FAM135A: variants seen among roughly 807,000 people sequenced by gnomAD.
FAM135A encodes the protein protein FAM135A.
Under a neutral mutation model 146.8 loss-of-function variants are expected in FAM135A, and 79 were observed. The observed-to-expected ratio is 0.54, with a 90% CI of 0.45 to 0.65. FAM135A has a LOEUF of 0.65. Among genes scored for constraint, FAM135A ranks in the 30% least tolerant of loss-of-function variants. The pLI, the probability that FAM135A is intolerant of heterozygous loss-of-function variation, is 0.00. For missense variants in FAM135A, 1,623 were observed against 1,758.2 expected, an observed-to-expected ratio of 0.92 and a Z score of 1.38; for synonymous variants, 562 against 603.6, an observed-to-expected ratio of 0.93 and a Z score of 1.01.
At chr6:70,522,136 C>T (rs192577631) in intron 12 of FAM135A, among the ~76,000 whole-genome samples, 5 of 152,112 alleles carry the variant, frequency 3.3e-5, no homozygotes, top group Admixed American at 2.6e-4. Flanking sequence ...AGGCTGGTCT[C>T]GAACTCTTGA....
At chr6:70,550,839 G>T (rs937775361) in intron 20 of FAM135A, among the ~76,000 whole-genome samples, 10 of 152,172 alleles carry the variant, frequency 6.6e-5, no homozygotes, top group African/African-American at 2.4e-4. Context: ...TTGAAAATCT[G>T]CTTTTTAGTG....
Position 70,482,026 on chromosome 6 carries a change from C to A in FAM135A, c.695C>A (p.Ser232Tyr). The A allele has an allele frequency of 6.2e-7, 1 of 1,613,504 alleles. No individual in the cohort carries two copies. The highest frequency in any genetic ancestry group is 8.5e-7 in the Non-Finnish European group (1 of 1,179,706). Residue 232 changes from serine (S) to tyrosine (Y), a missense_variant, in exon 10 of 22, where the codon TCC becomes TAC. Physicochemically the swap from Ser to Tyr is moderately radical, Grantham distance 144. Transcript: ENST00000418814. Reference protein sequence around the residue: ...PDGCSFIIADSFLHHAYRFHY... With the variant: ...PDGCSFIIADYFLHHAYRFHY... ...GGTTGTAGCTTCATCATTGCAGACT[C>A]CTTCCTACATCATGCGTATCGTTTT...
intron 20 of FAM135A, among the ~76,000 whole-genome samples, chr6:70,539,553 A>G (rs1797453542): frequency 6.6e-6 from 1 of 152,200 alleles, no homozygotes; most frequent in Non-Finnish European, 1.5e-5. Context: ...AGTAAGGAAA[A>G]TAGCCCTCTT....
Position 70,560,155 on chromosome 6 carries a change from C to T in FAM135A, c.*234C>T, listed in dbSNP as rs1801665634. ...TCTTTTTACTTTTCTATTACTTTTT[C>T]ATATATTTTGCTACCTAAGTATTTC... On this transcript the variant is annotated 3_prime_UTR_variant, in exon 22 of 22. Coordinates refer to ENST00000418814, the MANE Select transcript of FAM135A (RefSeq NM_001162529.3). The T allele has an allele frequency of 2.4e-6, 1 of 408,348 alleles. No homozygotes were observed. 25.3% of individuals were successfully genotyped at this position (408,348 alleles called of 1,614,324 possible).
chr6:70,551,037 G>A (rs1799733375), intron 20 of FAM135A, among the ~76,000 whole-genome samples: 1 of 152,182 alleles, frequency 6.6e-6, no homozygotes, highest in African/African-American at 2.4e-5. Flanking sequence ...AAAAGAGTTA[G>A]GGTCCTGCTC....
chr6:70,475,446 C>T lies in FAM135A; in HGVS notation c.194C>T (p.Ser65Phe). The T allele has an allele frequency of 1.2e-6, 2 of 1,602,170 alleles. No individual in the cohort carries two copies. Among genetic ancestry groups the T allele is most frequent in the Non-Finnish European group, 1.7e-6 (2 of 1,175,052 alleles). Residue 65 changes from serine (S) to phenylalanine (F), a missense_variant, in exon 6 of 22, where the codon TCT (serine) becomes TTT (phenylalanine). Physicochemically the swap from Ser to Phe is radical, Grantham distance 155. Coordinates refer to ENST00000418814, the MANE Select transcript of FAM135A (RefSeq NM_001162529.3). Reference sequence around the variant, plus strand: ...GCCTTTCCAGCCTCAGTTCATGATTCTCTAATTTGCAGTAAAACATTTCAA... The same window carrying T: ...GCCTTTCCAGCCTCAGTTCATGATTTTCTAATTTGCAGTAAAACATTTCAA... The part of the protein sequence containing the change: ...TLAFPASVHD[S>F]LICSKTFQIL...
At chr6:70,559,117 C>A (rs1801456088) in intron 21 of FAM135A, among the ~76,000 whole-genome samples, 1 of 152,134 alleles carries the variant, frequency 6.6e-6, no homozygotes, top group Non-Finnish European at 1.5e-5. Flanking sequence ...AAAACTATTT[C>A]TTTGTTATAG....
At chr6:70,480,049 C>G (rs966043290) in intron 8 of FAM135A, among the ~76,000 whole-genome samples, 9 of 152,154 alleles carry the variant, frequency 5.9e-5, no homozygotes, top group Non-Finnish European at 1.0e-4. Flanking sequence ...CATTATTTTT[C>G]TTTTCTGTCT....
At chr6:70,516,827 G>A (rs1287401100) in intron 12 of FAM135A, among the ~76,000 whole-genome samples, 2 of 151,946 alleles carry the variant, frequency 1.3e-5, no homozygotes, top group Non-Finnish European at 2.9e-5. Flanking sequence ...GAGCCACCGT[G>A]CCCAGCCATA....
chr6:70,529,880 G>A (rs1795461410), intron 16 of FAM135A, among the ~76,000 whole-genome samples: 1 of 152,098 alleles, frequency 6.6e-6, no homozygotes, highest in Non-Finnish European at 1.5e-5. Context: ...GGCTAACACA[G>A]TGAAACCCCG....
At chr6:70,455,848 A>G (rs1387005438) in intron 5 of FAM135A, among the ~76,000 whole-genome samples, 1 of 152,210 alleles carries the variant, frequency 6.6e-6, no homozygotes, top group South Asian at 2.1e-4. Flanking sequence ...TGTCAAACCT[A>G]TGAATATTAA....
intron 5 of FAM135A, among the ~76,000 whole-genome samples, chr6:70,458,758 A>T (rs1002644637): frequency 6.6e-6 from 1 of 152,148 alleles, no homozygotes; most frequent in African/African-American, 2.4e-5. Context: ...TTTGAAACAA[A>T]ATAATGTTCT....
chr6:70,521,827 A>G (rs1003334011), intron 12 of FAM135A, among the ~76,000 whole-genome samples: 18 of 152,230 alleles, frequency 1.2e-4, no homozygotes, highest in Admixed American at 9.8e-4. Flanking sequence ...TAGATTCAAC[A>G]TGTATTTATC....
At chr6:70,508,458 C>G (rs1176090487) in intron 12 of FAM135A, among the ~76,000 whole-genome samples, 1 of 152,080 alleles carries the variant, frequency 6.6e-6, no homozygotes, top group Non-Finnish European at 1.5e-5. Flanking sequence ...ATAATGCTTC[C>G]TATTATAACA....
rs1801733988 is a variant in FAM135A at position 70,560,605 on chromosome 6, T to C, written c.*684T>C. 6.6e-6 allele frequency: 1 copy of C among 152,586 alleles called. No individual in the cohort carries two copies. The highest frequency in any genetic ancestry group is 2.4e-5 in the African/African-American group (1 of 41,462). The allele number at this position is 152,586 out of a possible 1,614,324, so 9.5% of individuals were successfully genotyped here. A position where few individuals can be genotyped will look rare whatever the true frequency, so the allele number is the denominator to read the frequency against. ...TTATTACTGGAAATGTTCCTGTACA[T>C]GTTGGCAGCAGATAAAGATTTTTGA... is the stretch of plus-strand genomic sequence containing the variant. On this transcript the variant is annotated 3_prime_UTR_variant, in exon 22 of 22. Transcript: ENST00000418814.
chr6:70,552,675 G>A (rs1800062351), intron 20 of FAM135A, among the ~76,000 whole-genome samples: 1 of 151,848 alleles, frequency 6.6e-6, no homozygotes, highest in Non-Finnish European at 1.5e-5. Context: ...TCACCATATT[G>A]GCCAGGCTGG....
At chr6:70,472,243 C>T (rs953654176) in intron 5 of FAM135A, among the ~76,000 whole-genome samples, 3 of 152,152 alleles carry the variant, frequency 2.0e-5, no homozygotes, top group Non-Finnish European at 4.4e-5. Flanking sequence ...TCTCACCTCA[C>T]GTTACCTGGG....
chr6:70,531,736 G>C (rs749668382), intron 16 of FAM135A, among the ~76,000 whole-genome samples: 19 of 152,052 alleles, frequency 1.2e-4, no homozygotes, highest in Non-Finnish European at 2.6e-4. Context: ...GTAAACTGCT[G>C]ATTTCTTTGG....
rs12189746 is a variant in FAM135A, at chr6:70,508,927, G to A, written c.1029+6136G>A. ...TGAAGTATTAATATATCTTAGATAC[G>A]GAAAAGAATTCCTTGCTCAAGAAGA... On this transcript the variant is annotated intron_variant, in intron 12 of 21. Coordinates refer to ENST00000418814, the MANE Select transcript of FAM135A (RefSeq NM_001162529.3). Among the ~76,000 whole-genome samples, 14 of 152,144 alleles carry A rather than the reference G, an allele frequency of 9.2e-5. No homozygotes were observed. The East Asian group carries it at 1.5e-3, about 17-fold the overall frequency.
Sources: gnomAD v4.1 joint callset for allele counts (sites outside exome capture counted in the v4.1 genomes callset) on GRCh38, gnomAD v4.1.1 for gene constraint, MANE v1.5 for transcripts, NCBI Gene and HGNC (gene_info 2026-07-23, HGNC 2026-07-21) for gene names.